Variants in SH3KBP1 observed in about 807,000 individuals in gnomAD.
SH3KBP1 encodes SH3 domain containing kinase binding protein 1, also known as SH3 domain-containing kinase-binding protein 1.
Under a neutral mutation model 50.1 loss-of-function variants are expected in SH3KBP1, and 8 were observed. That is an observed-to-expected ratio of 0.16 (90% CI 0.09 to 0.29). The LOEUF (loss-of-function observed/expected upper bound fraction) is 0.29, where lower values mean the gene tolerates loss of function less well. Ranked by LOEUF, SH3KBP1 falls within the 10% of genes least tolerant of loss-of-function variation. SH3KBP1 has a pLI of 1.00. For synonymous variants in SH3KBP1, 227 were observed against 218.6 expected, an observed-to-expected ratio of 1.04 and a Z score of -0.34; for missense variants, 377 against 535.2, an observed-to-expected ratio of 0.70 and a Z score of 2.92.
intron 12 of SH3KBP1, among the ~76,000 whole-genome samples, chrX:19,572,370 T>TATATGTTATATATAGTACATAC (rs1330604249): frequency 2.0e-5 from 2 of 99,369 alleles, no homozygotes; most frequent in Non-Finnish European, 3.9e-5. Flanking sequence ...ATATAGTACA[T>TATATGTTATATATAGTACATAC]ATATGTTATA....
chrX:19,682,384 C>T (rs892520082), intron 6 of SH3KBP1, among the ~76,000 whole-genome samples: 3 of 102,723 alleles, frequency 2.9e-5, no homozygotes, highest in Non-Finnish European at 5.8e-5. Context: ...ACACAGTCCT[C>T]CTACACAAAG....
chrX:19,698,122 C>A lies in SH3KBP1; in HGVS notation c.391-2381G>T, dbSNP rs1307296764. On this transcript the variant is annotated intron_variant, in intron 4 of 17. Transcript: ENST00000397821. ...CACCATGAGTCTCAGTATCAATAGTCACAGGATTTGTGGAGTGGAGTCCTT... is the reference window on the plus strand; with the variant it reads ...CACCATGAGTCTCAGTATCAATAGTAACAGGATTTGTGGAGTGGAGTCCTT... Among the ~76,000 whole-genome samples the A allele has an allele frequency of 3.6e-5, 4 of 111,659 alleles. No individual in the cohort carries two copies. In the East Asian group the frequency reaches 1.1e-3, roughly 31 times the overall value.
chrX:19,678,481 A>G (rs996974432), intron 6 of SH3KBP1, among the ~76,000 whole-genome samples: 27 of 110,630 alleles, frequency 2.4e-4, no homozygotes, highest in Non-Finnish European at 7.6e-5. Flanking sequence ...GGGCACAAGG[A>G]AAAAAAGACC....
chrX:19,842,123 T>C (rs1215790225), intron 1 of SH3KBP1, among the ~76,000 whole-genome samples: 2 of 111,911 alleles, frequency 1.8e-5, no homozygotes, highest in African/African-American at 6.5e-5. Context: ...GTGACGGAAA[T>C]ATTCTCAAAT....
intron 2 of SH3KBP1, among the ~76,000 whole-genome samples, chrX:19,777,743 G>A (rs780071765): frequency 8.1e-5 from 9 of 111,240 alleles, no homozygotes; most frequent in Non-Finnish European, 1.3e-4. Flanking sequence ...GCAATGAGGG[G>A]TGGGCCAGAG....
intron 8 of SH3KBP1, among the ~76,000 whole-genome samples, chrX:19,609,750 A>G (rs1321639126): frequency 8.9e-6 from 1 of 111,952 alleles, no homozygotes; most frequent in Non-Finnish European, 1.9e-5. Flanking sequence ...TGAGGAGCAC[A>G]TCTGACTTTT....
At chrX:19,874,064 A>T (rs867610710) in intron 1 of SH3KBP1, among the ~76,000 whole-genome samples, 4,847 of 83,391 alleles carry the variant, frequency 0.058, 169 homozygotes, top group Non-Finnish European at 0.08. Context: ...AAAAAAAAAA[A>T]AAAAATATAT....
intron 6 of SH3KBP1, among the ~76,000 whole-genome samples, chrX:19,668,853 C>CAA (rs751777350): frequency 0.068 from 1,208 of 17,827 alleles, 204 homozygotes; most frequent in African/African-American, 0.22. Context: ...GACTGTGTCT[C>CAA]AAAAAAAAAA....
intron 1 of SH3KBP1, among the ~76,000 whole-genome samples, chrX:19,849,085 C>T (rs1351892070): frequency 9.0e-6 from 1 of 110,656 alleles, no homozygotes; most frequent in Admixed American, 9.7e-5. Flanking sequence ...GGTGGGATTA[C>T]AGGCATGAGC....
intron 2 of SH3KBP1, among the ~76,000 whole-genome samples, chrX:19,806,449 G>C (rs2067049339): frequency 9.0e-6 from 1 of 111,409 alleles, no homozygotes; most frequent in Non-Finnish European, 1.9e-5. Flanking sequence ...CAGGGAAGCG[G>C]AGGTTGCACT....
At chrX:19,612,424 T>C (rs1361472896) in intron 8 of SH3KBP1, among the ~76,000 whole-genome samples, 1 of 110,965 alleles carries the variant, frequency 9.0e-6, no homozygotes, top group Non-Finnish European at 1.9e-5. Flanking sequence ...CCACCACGCC[T>C]GGTTAATTTT....
At chrX:19,618,519 A>T (rs905317699) in intron 8 of SH3KBP1, among the ~76,000 whole-genome samples, 2 of 111,563 alleles carry the variant, frequency 1.8e-5, no homozygotes, top group Non-Finnish European at 3.8e-5. Flanking sequence ...GTTGTGGAAC[A>T]TGGCTATATA....
chrX:19,613,014 G>T (rs1181173269), intron 8 of SH3KBP1, among the ~76,000 whole-genome samples: 1 of 112,226 alleles, frequency 8.9e-6, no homozygotes, highest in Admixed American at 9.4e-5. Context: ...AACATCTACT[G>T]AACAGTGATA....
At chrX:19,769,075 ATTTTTTT>A (rs36059368) in intron 2 of SH3KBP1, among the ~76,000 whole-genome samples, 1 of 81,153 alleles carries the variant, frequency 1.2e-5, no homozygotes, top group Non-Finnish European at 2.3e-5. Context: ...CTGCGTTATA[ATTTTTTT>A]TTTTTTTTTT....
chrX:19,633,223 T>G (rs1188396073), intron 7 of SH3KBP1, among the ~76,000 whole-genome samples: 3 of 111,618 alleles, frequency 2.7e-5, no homozygotes, highest in Admixed American at 9.5e-5. Context: ...GTATTCACTT[T>G]GCTTTTGTGC....
At chrX:19,851,312 A>G (rs371329880) in intron 1 of SH3KBP1, among the ~76,000 whole-genome samples, 16 of 111,633 alleles carry the variant, frequency 1.4e-4, no homozygotes, top group African/African-American at 3.6e-4. Flanking sequence ...TTCACTGGGG[A>G]AAAAAAAGAA....
chrX:19,576,477 T>C (rs1455750780), intron 12 of SH3KBP1, among the ~76,000 whole-genome samples: 3 of 112,164 alleles, frequency 2.7e-5, no homozygotes, highest in Non-Finnish European at 5.6e-5. Context: ...TCTCACTCTG[T>C]TGCCCAGGCT....
intron 8 of SH3KBP1, among the ~76,000 whole-genome samples, chrX:19,612,361 C>T (rs2067455887): frequency 9.0e-6 from 1 of 111,721 alleles, no homozygotes; most frequent in African/African-American, 3.3e-5. Context: ...CTCCCAGGTT[C>T]AAGCGATTCT....
chrX:19,766,103 T>C, intron 2 of SH3KBP1, among the ~76,000 whole-genome samples: 1 of 111,900 alleles, frequency 8.9e-6, no homozygotes, highest in Non-Finnish European at 1.9e-5. Flanking sequence ...TTTTTTATGG[T>C]AGCTACACCA....
Sources: gnomAD v4.1 joint callset for allele counts (sites outside exome capture counted in the v4.1 genomes callset) on GRCh38, gnomAD v4.1.1 for gene constraint, MANE v1.5 for transcripts, NCBI Gene and HGNC (gene_info 2026-07-23, HGNC 2026-07-21) for gene names.